AMOTL1: variants seen among roughly 807,000 people sequenced by gnomAD.
AMOTL1 encodes angiomotin-like protein 1.
In AMOTL1, 45 loss-of-function variants were observed where a neutral mutation model predicts 102.9. That is an observed-to-expected ratio of 0.44 (90% CI 0.34 to 0.56). The LOEUF is 0.56. AMOTL1 is among the 20% of genes least tolerant of loss of function. The probability of loss-of-function intolerance (pLI) is 0.01; values close to 1 mark genes in which losing one functional copy is unlikely to be tolerated. For synonymous variants in AMOTL1, 481 were observed against 484.7 expected (o/e 0.99, Z 0.10); for missense variants, 1,114 against 1,225.6 (o/e 0.91, Z 1.36).
At chr11:94,787,618 G>A (rs1951213077) in intron 1 of AMOTL1, among the ~76,000 whole-genome samples, 1 of 146,994 alleles carries the variant, frequency 6.8e-6, no homozygotes, top group African/African-American at 2.5e-5. Flanking sequence ...AACCCGGGAG[G>A]CGGAGCTTGC....
intron 3 of AMOTL1, among the ~76,000 whole-genome samples, chr11:94,762,718 A>G (rs1950808713): frequency 6.6e-6 from 1 of 151,768 alleles, no homozygotes; most frequent in South Asian, 2.1e-4. Context: ...CAACGTCTCT[A>G]CTCTTCTTCC....
At chr11:94,846,783 C>G (rs1267626455) in intron 6 of AMOTL1, among the ~76,000 whole-genome samples, 2 of 152,152 alleles carry the variant, frequency 1.3e-5, no homozygotes, top group Admixed American at 1.3e-4. Flanking sequence ...TGATGATCAT[C>G]ACCTCTGTGG....
chr11:94,819,399 T>A (rs538183562), intron 3 of AMOTL1, among the ~76,000 whole-genome samples: 81 of 152,222 alleles, frequency 5.3e-4, no homozygotes, highest in Non-Finnish European at 1.0e-3. Context: ...GTCATCCCTC[T>A]GCTTACCTGA....
chr11:94,770,109 G>C (rs568535854), intron 1 of AMOTL1, among the ~76,000 whole-genome samples: 63 of 152,254 alleles, frequency 4.1e-4, no homozygotes, highest in Middle Eastern at 3.4e-3. Context: ...AACTGGCTAA[G>C]ATTTCCCCTG....
At chr11:94,743,878 C>T (rs559902389) in intron 3 of AMOTL1, among the ~76,000 whole-genome samples, 2 of 152,008 alleles carry the variant, frequency 1.3e-5, no homozygotes, top group African/African-American at 2.4e-5. Context: ...AGGCTGGTCT[C>T]GAACTCCTGA....
intron 4 of AMOTL1, among the ~76,000 whole-genome samples, chr11:94,829,312 TC>T (rs1952029075): frequency 6.6e-6 from 1 of 150,574 alleles, no homozygotes; most frequent in Admixed American, 6.6e-5. Flanking sequence ...AACCTTCGCC[TC>T]CCAGGCTCAA....
At chr11:94,755,321 G>A (rs1384605689) in intron 3 of AMOTL1, among the ~76,000 whole-genome samples, 1 of 152,176 alleles carries the variant, frequency 6.6e-6, no homozygotes, top group Non-Finnish European at 1.5e-5. Flanking sequence ...AGAAGCTCAT[G>A]TCTGATCGAC....
At chr11:94,840,006 G>C (rs1223072621) in intron 6 of AMOTL1, among the ~76,000 whole-genome samples, 2 of 152,092 alleles carry the variant, frequency 1.3e-5, no homozygotes, top group Non-Finnish European at 2.9e-5. Context: ...ATAATAAAAG[G>C]CCTTGTTGGA....
At chr11:94,766,930 A>G (rs1950861878), upstream of AMOTL1, among the ~76,000 whole-genome samples, 1 of 151,740 alleles carries the variant, frequency 6.6e-6, no homozygotes, top group Admixed American at 6.6e-5. Flanking sequence ...GCTTTCCTCT[A>G]TGCCTTCTTC....
intron 11 of AMOTL1, chr11:94,866,471 C>T (rs1952885784): frequency 7.9e-6 from 3 of 378,734 alleles, no homozygotes; most frequent in South Asian, 5.1e-5. Flanking sequence ...AGCCTAGAGA[C>T]ATCACGCCTC....
At chr11:94,725,199 C>A (rs1950236921) in intron 1 of AMOTL1, among the ~76,000 whole-genome samples, 1 of 152,020 alleles carries the variant, frequency 6.6e-6, no homozygotes, top group Non-Finnish European at 1.5e-5. Flanking sequence ...ACTCCAGTGG[C>A]ATGCTGGGTA....
At chr11:94,790,785 T>C (rs184949856) in intron 1 of AMOTL1, among the ~76,000 whole-genome samples, 2 of 152,238 alleles carry the variant, frequency 1.3e-5, no homozygotes, top group East Asian at 1.9e-4. Flanking sequence ...TCCTCCAGGG[T>C]TTAAACCTCA....
chr11:94,707,242 C>CTGTGTGTG (rs1361762000), intron 1 of AMOTL1, among the ~76,000 whole-genome samples: 5 of 50,588 alleles, frequency 9.9e-5, no homozygotes, highest in Non-Finnish European at 2.0e-4. Context: ...CTCTCTCTCT[C>CTGTGTGTG]TCTCTCTCTG....
chr11:94,808,618 G>T (rs1360117163), intron 3 of AMOTL1, among the ~76,000 whole-genome samples: 1 of 152,170 alleles, frequency 6.6e-6, no homozygotes, highest in Non-Finnish European at 1.5e-5. Context: ...CAGCTAGTCT[G>T]TTGCATGAGT....
Position 94,828,383 on chromosome 11 carries a change from C to T in AMOTL1, c.1414-1667C>T, listed in dbSNP as rs374468095. On this transcript the variant is annotated intron_variant, in intron 4 of 12. Transcript: ENST00000433060. ...TTTACCTGGATATCTCTTCTACCTC[C>T]TCTCCCATAAACCCCCACCCTCCAA... 2.6e-5 allele frequency among the ~76,000 whole-genome samples: 4 copies of T among 152,228 alleles called. No individual in the cohort carries two copies. The South Asian group carries it at 8.3e-4, about 32-fold the overall frequency.
chr11:94,713,145 T>G (rs1950044469), intron 1 of AMOTL1, among the ~76,000 whole-genome samples: 1 of 151,944 alleles, frequency 6.6e-6, no homozygotes, highest in Non-Finnish European at 1.5e-5. Context: ...TTTTCAGCTT[T>G]GTCAAGAAAT....
chr11:94,846,711 G>A (rs982327803), intron 6 of AMOTL1, among the ~76,000 whole-genome samples: 2 of 152,174 alleles, frequency 1.3e-5, no homozygotes, highest in Non-Finnish European at 2.9e-5. Context: ...GAGAGGAGGG[G>A]CAGTACAGGG....
intron 5 of AMOTL1, 76 bp downstream of exon 5, chr11:94,830,270 A>C: frequency 2.1e-6 from 3 of 1,408,882 alleles, no homozygotes; most frequent in Non-Finnish European, 2.8e-6. Context: ...CTTCAAGGCC[A>C]GAGTGCTTTG....
Position 94,850,116 on chromosome 11 carries a change from A to G in AMOTL1, c.1651A>G (p.Lys551Glu), listed in dbSNP as rs1307646649. 1 of 1,578,356 alleles carries G rather than the reference A, an allele frequency of 6.3e-7. No individual in the cohort carries two copies. The highest frequency in any genetic ancestry group is 2.3e-5 in the East Asian group (1 of 43,426). ...TTTTGTTCGTGTTTCCCTTCTAGAC[A>G]AAGAATTCTTGAAGGAAAAGGAGAA... ...AAEGHYASQNKEFLKEKEKLE... is the reference protein window; with the variant it reads ...AAEGHYASQNEEFLKEKEKLE... The change falls in exon 7 of 13, where the codon AAA (lysine) becomes GAA (glutamate). Residue 551 changes from lysine (K) to glutamate (E), a missense_variant and splice_region_variant. Physicochemically the swap from Lys to Glu is moderately conservative, Grantham distance 56. Coordinates refer to ENST00000433060, the MANE Select transcript of AMOTL1 (RefSeq NM_130847.3).
Sources: gnomAD v4.1 joint callset for allele counts (sites outside exome capture counted in the v4.1 genomes callset) on GRCh38, gnomAD v4.1.1 for gene constraint, MANE v1.5 for transcripts, NCBI Gene and HGNC (gene_info 2026-07-23, HGNC 2026-07-21) for gene names.